TNN: variants seen among roughly 807,000 people sequenced by gnomAD.
TNN encodes the protein tenascin N.
In TNN, 122 loss-of-function variants were observed where a neutral mutation model predicts 134.4. That is an observed-to-expected ratio of 0.91 (90% CI 0.78 to 1.06). TNN has a LOEUF of 1.06. TNN is among the 50% of genes least tolerant of loss of function. The pLI, the probability that TNN is intolerant of heterozygous loss-of-function variation, is 0.00. For synonymous variants in TNN, 710 were observed against 670.3 expected (o/e 1.06, Z -0.91); for missense variants, 1,739 against 1,699.4 (o/e 1.02, Z -0.41).
chr1:175,077,968 C>A (rs1674090545), intron 2 of TNN, 141 bp downstream of exon 2: 1 of 858,204 alleles, frequency 1.2e-6, no homozygotes, highest in African/African-American at 1.7e-5. Context: ...GGGGGCCCAT[C>A]CCTGCTATTT....
Position 175,085,414 on chromosome 1 carries a change from C to T in TNN, c.1244C>T (p.Pro415Leu), listed in dbSNP as rs763519873. ...GCCTGCTTGTTTCCAGGTCTGCACC[C>T]GGGGACTGAGTATAAGATCACGGTG... The part of the protein sequence containing the change: ...KSRYDITGLH[P>L]GTEYKITVVP... The change falls in exon 6 of 19, where the codon CCG becomes CTG. Residue 415 changes from proline to leucine, a missense_variant. By Grantham distance (98) the Pro-to-Leu change is moderately conservative. Transcript: ENST00000239462. 1.9e-5 allele frequency: 30 copies of T among 1,610,446 alleles called. No individual in the cohort carries two copies. The highest frequency in any genetic ancestry group is 5.0e-5 in the Admixed American group (3 of 59,920).
intron 9 of TNN, among the ~76,000 whole-genome samples, chr1:175,111,061 T>C (rs1177531574): frequency 6.6e-6 from 1 of 151,624 alleles, no homozygotes; most frequent in African/African-American, 2.4e-5. Flanking sequence ...CTCACGCCTG[T>C]AATCCCAGTA....
At chr1:175,069,472 G>A (rs935405920) in intron 1 of TNN, among the ~76,000 whole-genome samples, 9 of 152,302 alleles carry the variant, frequency 5.9e-5, no homozygotes, top group South Asian at 2.1e-4. Flanking sequence ...AAATCATCCC[G>A]TGGCTTCTGG....
chr1:175,119,646 T>TC (rs1675295403), intron 11 of TNN, among the ~76,000 whole-genome samples: 1 of 148,724 alleles, frequency 6.7e-6, no homozygotes, highest in South Asian at 2.1e-4. Context: ...TTCTTTTTTT[T>TC]TTTTTTTTGA....
At chr1:175,141,226 G>A (rs1675938280) in intron 17 of TNN, among the ~76,000 whole-genome samples, 1 of 152,192 alleles carries the variant, frequency 6.6e-6, no homozygotes, top group South Asian at 2.1e-4. Flanking sequence ...TATCTTATGA[G>A]CTCCACCATT....
intron 12 of TNN, among the ~76,000 whole-genome samples, chr1:175,123,891 C>A (rs1675446478): frequency 6.6e-6 from 1 of 152,144 alleles, no homozygotes; most frequent in South Asian, 2.1e-4. Context: ...GCCTCCCTCA[C>A]CCCTCCACCC....
Position 175,128,735 on chromosome 1 carries a change from G to A in TNN, c.3319G>A (p.Gly1107Ser), listed in dbSNP as rs772265643. Residue 1107 changes from glycine to serine, a missense_variant, in exon 15 of 19, where the codon GGT (glycine) becomes AGT (serine). By Grantham distance (56) the Gly-to-Ser change is moderately conservative (BLOSUM62 0). Transcript: ENST00000239462. ...GTACTGTGACATGGAAACGGACGGAGGTGGCTGGATTGTGAGTCACGCAGA... is the reference window on the plus strand; with the variant it reads ...GTACTGTGACATGGAAACGGACGGAAGTGGCTGGATTGTGAGTCACGCAGA... ...QVYCDMETDG[G>S]GWIVFQRRNT... The A allele has an allele frequency of 1.9e-6, 3 of 1,612,940 alleles. No homozygotes were observed. Among genetic ancestry groups the A allele is most frequent in the Non-Finnish European group, 2.5e-6 (3 of 1,179,432 alleles).
intron 2 of TNN, 23 bp from the exon 3 acceptor site, chr1:175,079,310 A>T: frequency 4.5e-6 from 7 of 1,567,112 alleles, no homozygotes; most frequent in Non-Finnish European, 6.0e-6. Context: ...AACCCAACCT[A>T]CTGTTTCTCC....
At chr1:175,092,006 G>A (rs976312580) in intron 6 of TNN, among the ~76,000 whole-genome samples, 18 of 152,208 alleles carry the variant, frequency 1.2e-4, no homozygotes, top group African/African-American at 2.4e-4. Flanking sequence ...GATGGGGTGG[G>A]AGGCACTGCT....
chr1:175,085,657 CTGA>C (rs1674307646), intron 6 of TNN, among the ~76,000 whole-genome samples, 163 bp downstream of exon 6: 1 of 152,098 alleles, frequency 6.6e-6, no homozygotes, highest in Non-Finnish European at 1.5e-5. Flanking sequence ...GGCGGATCAC[CTGA>C]TGTCGGGAGT....
chr1:175,070,360 G>GAA (rs1281411042), intron 1 of TNN, among the ~76,000 whole-genome samples: 2 of 152,188 alleles, frequency 1.3e-5, no homozygotes, highest in Non-Finnish European at 2.9e-5. Context: ...CTGAAAAAGT[G>GAA]ATTGAGTGCT....
chr1:175,136,389 T>C (rs1391117865), intron 16 of TNN, among the ~76,000 whole-genome samples: 1 of 152,182 alleles, frequency 6.6e-6, no homozygotes, highest in African/African-American at 2.4e-5. Context: ...AAAGCATGAA[T>C]TGGGAAATGA....
intron 11 of TNN, among the ~76,000 whole-genome samples, chr1:175,119,176 G>A (rs766724164): frequency 1.3e-5 from 2 of 152,202 alleles, no homozygotes; most frequent in Admixed American, 1.3e-4. Context: ...ACTAGCCATG[G>A]GCAGAGCAGC....
intron 1 of TNN, 41 bp downstream of exon 1, chr1:175,067,976 G>A (rs1201673585): frequency 1.1e-5 from 5 of 459,688 alleles, no homozygotes; most frequent in African/African-American, 8.0e-5. Flanking sequence ...ACTGGAGGGA[G>A]GGAGGTGGCC....
chr1:175,146,945 G>A lies in TNN; in HGVS notation c.3774G>A (p.Glu1258=), dbSNP rs763710814. 4.5e-5 allele frequency: 70 copies of A among 1,546,804 alleles called. No individual in the cohort carries two copies. The Middle Eastern group carries it at 5.2e-4, about 11-fold the overall frequency. ...TTTTTTGGTAGGGGGTGAACTGGGA[G>A]CCTTGGAAAGGACATGAATTCTCCA... ...ETKHSEGVNW[E]PWKGHEFSIP... The change falls in exon 19 of 19, where the codon GAG becomes GAA. Residue 1258 remains glutamate (E), a synonymous_variant. Coordinates refer to ENST00000239462, the MANE Select transcript of TNN (RefSeq NM_022093.2).
chr1:175,079,350 A>G lies in TNN; in HGVS notation c.427A>G (p.Ser143Gly). The change falls in exon 3 of 19, where the codon AGC becomes GGC. Residue 143 changes from serine (S) to glycine (G), a missense_variant. Coordinates refer to ENST00000239462, the MANE Select transcript of TNN (RefSeq NM_022093.2). Reference sequence around the variant, plus strand: ...CCTCCCAGATCTAAGCCGCCACTGCAGCGGCCACGGGACCTTCTCCCTGGA... The same window carrying G: ...CCTCCCAGATCTAAGCCGCCACTGCGGCGGCCACGGGACCTTCTCCCTGGA... ...QGVTDLSRHC[S>G]GHGTFSLETC... 1 of 1,596,582 alleles carries G rather than the reference A, an allele frequency of 6.3e-7. No homozygotes were observed. The highest frequency in any genetic ancestry group is 8.5e-7 in the Non-Finnish European group (1 of 1,176,828).
At chr1:175,093,284 A>G (rs756716711) in intron 6 of TNN, among the ~76,000 whole-genome samples, 19 of 152,054 alleles carry the variant, frequency 1.2e-4, no homozygotes, top group Non-Finnish European at 2.6e-4. Flanking sequence ...AAAATGAGAG[A>G]TTTTCTAAGG....
intron 15 of TNN, among the ~76,000 whole-genome samples, chr1:175,134,348 C>A (rs1300091702): frequency 6.6e-6 from 1 of 152,074 alleles, no homozygotes; most frequent in Non-Finnish European, 1.5e-5. Flanking sequence ...AGTTCAAGAC[C>A]AGTCTGGCCA....
At chr1:175,105,957 C>T (rs1674840017) in intron 9 of TNN, among the ~76,000 whole-genome samples, 1 of 145,910 alleles carries the variant, frequency 6.9e-6, no homozygotes, top group Non-Finnish European at 1.5e-5. Context: ...TCCCTGGACC[C>T]TGCTGACTTG....
Sources: gnomAD v4.1 joint callset for allele counts (sites outside exome capture counted in the v4.1 genomes callset) on GRCh38, gnomAD v4.1.1 for gene constraint, MANE v1.5 for transcripts, NCBI Gene and HGNC (gene_info 2026-07-23, HGNC 2026-07-21) for gene names.